The following FIGN variants were observed in gnomAD, a reference collection of about 807,000 sequenced individuals.
FIGN encodes the protein fidgetin.
Under a neutral mutation model 51.3 loss-of-function variants are expected in FIGN, and 11 were observed. The ratio of observed to expected loss-of-function variants is 0.21; its 90% CI spans 0.13 to 0.35. The LOEUF (loss-of-function observed/expected upper bound fraction) is 0.35, where lower values mean the gene tolerates loss of function less well. Among genes scored for constraint, FIGN ranks in the 10% least tolerant of loss-of-function variants. The probability of loss-of-function intolerance (pLI) is 1.00; values close to 1 mark genes in which losing one functional copy is unlikely to be tolerated. For synonymous variants in FIGN, 407 were observed against 363.2 expected (o/e 1.12, Z -1.37); for missense variants, 857 against 943.6 (o/e 0.91, Z 1.20).
intron 2 of FIGN, among the ~76,000 whole-genome samples, chr2:163,628,851 T>G (rs558416289): frequency 6.6e-6 from 1 of 152,282 alleles, no homozygotes; most frequent in South Asian, 2.1e-4. Flanking sequence ...GGGATTTTTA[T>G]TACCCTTTAT....
chr2:163,692,169 T>C (rs1428731323), intron 2 of FIGN, among the ~76,000 whole-genome samples: 1 of 152,152 alleles, frequency 6.6e-6, no homozygotes, highest in Non-Finnish European at 1.5e-5. Context: ...CTAAACTTGT[T>C]TAAGTAAAAG....
chr2:163,654,079 T>A (rs1022955469), intron 2 of FIGN, among the ~76,000 whole-genome samples: 1 of 152,058 alleles, frequency 6.6e-6, no homozygotes, highest in Non-Finnish European at 1.5e-5. Flanking sequence ...GACCTATGAA[T>A]GAATAATCTC....
chr2:163,615,789 CAGT>C (rs1420584725), intron 2 of FIGN, among the ~76,000 whole-genome samples: 2 of 152,012 alleles, frequency 1.3e-5, no homozygotes, highest in African/African-American at 4.8e-5. Context: ...TAAATAGGTA[CAGT>C]AAAAATTCAG....
chr2:163,639,722 G>A (rs950517428), intron 2 of FIGN, among the ~76,000 whole-genome samples: 1 of 151,854 alleles, frequency 6.6e-6, no homozygotes. Context: ...AAATCTAAAA[G>A]GCATTTTTTT....
intron 2 of FIGN, among the ~76,000 whole-genome samples, chr2:163,628,741 A>G (rs537866329): frequency 6.6e-6 from 1 of 152,134 alleles, no homozygotes; most frequent in Non-Finnish European, 1.5e-5. Context: ...TTTAAAGGAA[A>G]TCACTGGAAA....
At chr2:163,623,088 C>T (rs749716996) in intron 2 of FIGN, among the ~76,000 whole-genome samples, 25 of 152,020 alleles carry the variant, frequency 1.6e-4, no homozygotes, top group Admixed American at 9.2e-4. Context: ...ATCTGGGTAC[C>T]GATATGTGCA....
chr2:163,735,377 C>T (rs12373663), intron 1 of FIGN, among the ~76,000 whole-genome samples: 82,209 of 152,008 alleles, frequency 0.54, 25,542 homozygotes, highest in South Asian at 0.69. Flanking sequence ...TTTTCTCGTT[C>T]CCCCAGCCAC....
chr2:163,713,577 C>A (rs1026719781), intron 2 of FIGN, among the ~76,000 whole-genome samples: 12 of 152,162 alleles, frequency 7.9e-5, no homozygotes, highest in Non-Finnish European at 1.3e-4. Flanking sequence ...AATCCCCCTT[C>A]ACATCAGTTT....
In FIGN at chr2:163,702,919, T is replaced by C. The variant is rs529852637; in HGVS notation, c.25+31984A>G. ...TTTTCTCAAAATAGGTAGACTTTCT[T>C]TCATGCCTTAATTTTATGTTTTCCT... is the stretch of plus-strand genomic sequence containing the variant. On this transcript the variant is annotated intron_variant, in intron 2 of 2. Transcript: ENST00000333129. Among the ~76,000 whole-genome samples the C allele has an allele frequency of 9.0e-4, 137 of 152,258 alleles. 1 individual carries two copies. Among genetic ancestry groups the C allele is most frequent in the Non-Finnish European group, 1.6e-3 (107 of 68,008 alleles).
At chr2:163,706,703 C>G (rs1306762251) in intron 2 of FIGN, among the ~76,000 whole-genome samples, 3 of 152,082 alleles carry the variant, frequency 2.0e-5, no homozygotes, top group Non-Finnish European at 4.4e-5. Context: ...TAATTCTGTC[C>G]TGAGCTGCAT....
chr2:163,653,983 C>CAT (rs1225035327), intron 2 of FIGN, among the ~76,000 whole-genome samples: 204 of 152,196 alleles, frequency 1.3e-3, no homozygotes, highest in Non-Finnish European at 2.3e-3. Context: ...TTTTGCTAAA[C>CAT]TGGAGCAAAG....
rs79736763 is a variant in FIGN at position 163,609,369 on chromosome 2, A to C, written c.*183T>G. 3.0e-4 allele frequency: 183 copies of C among 601,914 alleles called. 2 individuals carry two copies. Among genetic ancestry groups the C allele is most frequent in the East Asian group, 1.2e-3 (44 of 35,856 alleles). The allele number at this position is 601,914 out of a possible 1,614,324, so 37.3% of individuals were successfully genotyped here. A position where few individuals can be genotyped will look rare whatever the true frequency, so the allele number is the denominator to read the frequency against. ...CTGTCATCTGGGGCTTTCAAATCAG[A>C]AGCTCTCATTTGATGCACTTTTCCT... On this transcript the variant is annotated 3_prime_UTR_variant, in exon 3 of 3. Coordinates refer to ENST00000333129, the MANE Select transcript of FIGN (RefSeq NM_018086.4).
intron 2 of FIGN, among the ~76,000 whole-genome samples, chr2:163,657,889 A>G (rs1683588071): frequency 6.6e-6 from 1 of 152,138 alleles, no homozygotes; most frequent in African/African-American, 2.4e-5. Context: ...ATGAAGTGCA[A>G]ATTGTAGTTA....
intron 2 of FIGN, among the ~76,000 whole-genome samples, chr2:163,633,868 T>C (rs1683186064): frequency 6.6e-6 from 1 of 152,166 alleles, no homozygotes; most frequent in Non-Finnish European, 1.5e-5. Flanking sequence ...AAACTGAACA[T>C]GTACAAAGTG....
At chr2:163,665,697 T>C (rs1304889061) in intron 2 of FIGN, among the ~76,000 whole-genome samples, 1 of 152,192 alleles carries the variant, frequency 6.6e-6, no homozygotes, top group Non-Finnish European at 1.5e-5. Context: ...TAATACACCG[T>C]ATTGTGCAAA....
rs781374731 is a variant in FIGN, at chr2:163,610,956, G to A, written c.876C>T (p.Gly292=). 9.3e-6 allele frequency: 15 copies of A among 1,613,676 alleles called. No homozygotes were observed. In the South Asian group the frequency reaches 1.6e-4, roughly 18 times the overall value. The change falls in exon 3 of 3, where the codon GGC becomes GGT. Residue 292 remains glycine, a synonymous_variant. Coordinates refer to ENST00000333129, the MANE Select transcript of FIGN (RefSeq NM_018086.4). ...PTPLPPTTVP[G]YTYQGHGLTP... ...TCAAACCATGGCCCTGGTAGGTGTA[G>A]CCAGGAACAGTGGTGGGGGGTAGGG... is the stretch of plus-strand genomic sequence containing the variant.
chr2:163,722,468 A>C (rs540035563), intron 2 of FIGN, among the ~76,000 whole-genome samples: 1 of 151,940 alleles, frequency 6.6e-6, no homozygotes, highest in Admixed American at 6.6e-5. Context: ...ATTGGTAAGA[A>C]GTCAATCTGG....
chr2:163,643,803 G>A (rs539169011), intron 2 of FIGN, among the ~76,000 whole-genome samples: 2 of 151,346 alleles, frequency 1.3e-5, no homozygotes, highest in East Asian at 3.9e-4. Context: ...GTGGTGGCGT[G>A]CACCTGCAAC....
At chr2:163,717,407 G>A (rs748155909) in intron 2 of FIGN, among the ~76,000 whole-genome samples, 5 of 151,850 alleles carry the variant, frequency 3.3e-5, no homozygotes, top group Non-Finnish European at 5.9e-5. Flanking sequence ...ACCTAAAAGC[G>A]TTTTCTACTA....
Sources: gnomAD v4.1 joint callset for allele counts (sites outside exome capture counted in the v4.1 genomes callset) on GRCh38, gnomAD v4.1.1 for gene constraint, MANE v1.5 for transcripts, NCBI Gene and HGNC (gene_info 2026-07-23, HGNC 2026-07-21) for gene names.